ZFHX3: variants seen among roughly 807,000 people sequenced by gnomAD.
The protein encoded by ZFHX3 is zinc finger homeobox 3, also known as zinc finger homeobox protein 3.
ZFHX3 carries 42 observed loss-of-function variants against 279.1 expected under a neutral mutation model. That is an observed-to-expected ratio of 0.15 (90% CI 0.12 to 0.19). The LOEUF is 0.19. Ranked by LOEUF, ZFHX3 falls within the 10% of genes least tolerant of loss-of-function variation. The pLI, the probability that ZFHX3 is intolerant of heterozygous loss-of-function variation, is 1.00. For missense variants in ZFHX3, 4,981 were observed against 4,754.0 expected, an observed-to-expected ratio of 1.05 and a Z score of -1.40; for synonymous variants, 2,293 against 1,957.8, an observed-to-expected ratio of 1.17 and a Z score of -4.52.
At chr16:73,387,756 A>G (rs1313377420) in intron 3 of ZFHX3, among the ~76,000 whole-genome samples, 1 of 151,962 alleles carries the variant, frequency 6.6e-6, no homozygotes, top group Non-Finnish European at 1.5e-5. Flanking sequence ...TAGTAATATA[A>G]TATATCTTTA....
At position 73,323,495 on chromosome 16, in the gene ZFHX3, T is replaced by C. The variant is rs190490921; in HGVS notation, c.-1290-5159A>G. ...TTCAGAAGAACAAGAGTGTGGAAGA[T>C]AAAGGAATCGAAGGAAAATAAAGAA... On this transcript the variant is annotated intron_variant, in intron 3 of 17. Coordinates refer to the ZFHX3 transcript ENST00000641206. Among the ~76,000 whole-genome samples the C allele has an allele frequency of 5.9e-3, 892 of 152,016 alleles. 4 individuals carry two copies. Among genetic ancestry groups the C allele is most frequent in the South Asian group, 0.017 (81 of 4,800 alleles).
intron 1 of ZFHX3, among the ~76,000 whole-genome samples, chr16:73,030,625 G>C (rs1727159075): frequency 6.7e-6 from 1 of 150,264 alleles, no homozygotes; most frequent in African/African-American, 2.4e-5. Context: ...GATATTGTTT[G>C]AAGGGAAAAG....
chr16:73,645,401 C>T lies in ZFHX3; in HGVS notation c.-1547+34779G>A, dbSNP rs758101692. ...CCTCCCGAGTAGCTGGGACTACAGG[C>T]GCCCGCCGCCACACCCGGCTAATTT... On this transcript the variant is annotated intron_variant, in intron 2 of 17. Transcript: ENST00000641206. 5.9e-5 allele frequency among the ~76,000 whole-genome samples: 9 copies of T among 152,210 alleles called. No homozygotes were observed. The East Asian group carries it at 1.2e-3, about 20-fold the overall frequency.
At chr16:73,026,954 T>C (rs1264435545) in intron 1 of ZFHX3, among the ~76,000 whole-genome samples, 1 of 152,328 alleles carries the variant, frequency 6.6e-6, no homozygotes, top group East Asian at 1.9e-4. Flanking sequence ...TAAAGAGCCA[T>C]GTAACTATTT....
At chr16:73,860,984 A>AT (rs34828290) in intron 1 of ZFHX3, among the ~76,000 whole-genome samples, 27,583 of 140,634 alleles carry the variant, frequency 0.2, 3,433 homozygotes, top group African/African-American at 0.35. Context: ...TTTTTTGCAG[A>AT]TTTTTTTTTT....
At chr16:72,940,467 A>G (rs543907468) in intron 3 of ZFHX3, among the ~76,000 whole-genome samples, 1 of 152,248 alleles carries the variant, frequency 6.6e-6, no homozygotes, top group African/African-American at 2.4e-5. Flanking sequence ...TTCCACCCAG[A>G]ACCCAGACTT....
In ZFHX3 at chr16:72,795,843, T is replaced by C. The variant is rs1377980874; in HGVS notation, c.6839A>G (p.Asn2280Ser). The C allele has an allele frequency of 6.2e-7, 1 of 1,614,030 alleles. No individual in the cohort carries two copies. The highest frequency in any genetic ancestry group is 8.5e-7 in the Non-Finnish European group (1 of 1,180,028). Residue 2280 changes from asparagine to serine, a missense_variant, in exon 9 of 10, where the codon AAC becomes AGC. Asn to Ser is a conservative substitution (Grantham distance 46). This residue lies in a region of ZFHX3 where 177 missense variants were observed against 244.2 expected (regional missense o/e 0.72). Transcript: ENST00000268489. ...CACCACTATCACTCGGGTTGGAAGGTTCAGTAAATTAGAGAGTTGCTCAAA... is the reference window on the plus strand; with the variant it reads ...CACCACTATCACTCGGGTTGGAAGGCTCAGTAAATTAGAGAGTTGCTCAAA... ...DEFEQLSNLLNLPTRVIVVWF... is the reference protein window; with the variant it reads ...DEFEQLSNLLSLPTRVIVVWF...
chr16:73,230,763 G>C (rs1159675355), intron 5 of ZFHX3, among the ~76,000 whole-genome samples: 1 of 152,228 alleles, frequency 6.6e-6, no homozygotes, highest in Non-Finnish European at 1.5e-5. Context: ...CTCAGCCCGT[G>C]TGATATAAAT....
chr16:72,903,497 G>A (rs2039091473), intron 3 of ZFHX3, among the ~76,000 whole-genome samples: 1 of 152,148 alleles, frequency 6.6e-6, no homozygotes, highest in Admixed American at 6.5e-5. Flanking sequence ...ACATGGAGTT[G>A]GACCTTTCTG....
At position 73,403,139 on chromosome 16, in the gene ZFHX3, G is replaced by A. The variant is rs914654560; in HGVS notation, c.-1291+52864C>T. Among the ~76,000 whole-genome samples the A allele has an allele frequency of 3.3e-5, 5 of 152,174 alleles. No homozygotes were observed. In the South Asian group the frequency reaches 1.0e-3, roughly 31 times the overall value. On this transcript the variant is annotated intron_variant, in intron 3 of 17. Transcript: ENST00000641206. Reference sequence around the variant, plus strand: ...GGGCTGGCTGATTGGAACTGAGTAAGGAAGGGTGGAAAAAAGGTTGAGGGA... The same window carrying A: ...GGGCTGGCTGATTGGAACTGAGTAAAGAAGGGTGGAAAAAAGGTTGAGGGA...
intron 2 of ZFHX3, among the ~76,000 whole-genome samples, chr16:73,501,427 A>G (rs4888423): frequency 0.017 from 2,639 of 152,340 alleles, 234 homozygotes; most frequent in Admixed American, 0.15. Flanking sequence ...GCACATCTCA[A>G]GAAAAAAAGC....
At chr16:73,387,894 T>C (rs1355396576) in intron 3 of ZFHX3, among the ~76,000 whole-genome samples, 1 of 151,760 alleles carries the variant, frequency 6.6e-6, no homozygotes, top group East Asian at 2.0e-4. Flanking sequence ...TAAAAGGTCA[T>C]CTCCCAGCAG....
intron 1 of ZFHX3, among the ~76,000 whole-genome samples, chr16:73,711,521 C>G (rs188854318): frequency 7.8e-4 from 119 of 152,218 alleles, no homozygotes; most frequent in Non-Finnish European, 1.3e-3. Context: ...GCAGTTGACT[C>G]CATATGTTGG....
chr16:73,705,874 C>T (rs957805534), intron 1 of ZFHX3, among the ~76,000 whole-genome samples: 1 of 152,176 alleles, frequency 6.6e-6, no homozygotes, highest in African/African-American at 2.4e-5. Flanking sequence ...CAGATAGGTT[C>T]CTCTCAATTT....
chr16:73,526,499 A>T (rs2019698583), intron 2 of ZFHX3, among the ~76,000 whole-genome samples: 1 of 152,228 alleles, frequency 6.6e-6, no homozygotes, highest in African/African-American at 2.4e-5. Context: ...AAACCTATAA[A>T]ATACAAAACA....
chr16:72,906,901 G>T (rs771479877), intron 3 of ZFHX3, among the ~76,000 whole-genome samples: 2 of 152,224 alleles, frequency 1.3e-5, no homozygotes, highest in Non-Finnish European at 2.9e-5. Flanking sequence ...GCGAGGACTA[G>T]AGAGAGGACT....
intron 2 of ZFHX3, among the ~76,000 whole-genome samples, chr16:73,602,064 T>C (rs2052124307): frequency 6.6e-6 from 1 of 152,006 alleles, no homozygotes; most frequent in Non-Finnish European, 1.5e-5. Context: ...CCTGAGAAGC[T>C]GAGGCTTCAG....
chr16:73,717,632 CGAG>C (rs1444668072), intron 1 of ZFHX3, among the ~76,000 whole-genome samples: 1 of 152,170 alleles, frequency 6.6e-6, no homozygotes, highest in African/African-American at 2.4e-5. Flanking sequence ...TGCTAGGCTC[CGAG>C]GAGGGTTGGA....
At chr16:73,496,600 T>C (rs1217187255) in intron 2 of ZFHX3, among the ~76,000 whole-genome samples, 5 of 152,152 alleles carry the variant, frequency 3.3e-5, no homozygotes, top group African/African-American at 1.2e-4. Flanking sequence ...GAAGGTTTGC[T>C]CTTCACCAAT....
Sources: gnomAD v4.1 joint callset for allele counts (sites outside exome capture counted in the v4.1 genomes callset) on GRCh38, gnomAD v4.1.1 for gene constraint, gnomAD v4.1.1 regional missense constraint, MANE v1.5 for transcripts, NCBI Gene and HGNC (gene_info 2026-07-23, HGNC 2026-07-21) for gene names.